The following RMST variants were observed in gnomAD, a reference collection of about 807,000 sequenced individuals.
The protein encoded by RMST is long intergenic non-protein coding RNA 54.
At chr12:97,485,650 C>A (rs1876004072) in intron 5 of RMST, among the ~76,000 whole-genome samples, 3 of 152,184 alleles carry the variant, frequency 2.0e-5, no homozygotes, top group Admixed American at 1.3e-4. Context: ...TATGAGCCCC[C>A]AAAGGCATTA....
intron 10 of RMST, among the ~76,000 whole-genome samples, chr12:97,523,258 C>T (rs1880699724): frequency 6.6e-6 from 1 of 152,166 alleles, no homozygotes; most frequent in Non-Finnish European, 1.5e-5. Context: ...AATTATCGCT[C>T]TTTTAAAATA....
intron 11 of RMST, among the ~76,000 whole-genome samples, chr12:97,548,133 C>T (rs1456074539): frequency 6.6e-6 from 1 of 152,080 alleles, no homozygotes; most frequent in East Asian, 1.9e-4. Context: ...GTTTCCTTGA[C>T]ATTTCTTAAA....
chr12:97,491,814 G>T, intron 5 of RMST: 6 of 431,806 alleles, frequency 1.4e-5, no homozygotes, highest in Admixed American at 4.8e-5. Context: ...TGGCTTTTTT[G>T]TCGTCATGGG....
chr12:97,474,469 G>C (rs1232531592), intron 5 of RMST, among the ~76,000 whole-genome samples: 1 of 151,990 alleles, frequency 6.6e-6, no homozygotes, highest in Non-Finnish European at 1.5e-5. Context: ...AGATGTGGTT[G>C]AGAAATTCTT....
intron 10 of RMST, among the ~76,000 whole-genome samples, chr12:97,514,246 A>G (rs11109082): frequency 0.13 from 19,084 of 152,158 alleles, 1,928 homozygotes; most frequent in African/African-American, 0.26. Context: ...CAGAGGCAAC[A>G]TATTTCCAGA....
intron 10 of RMST, among the ~76,000 whole-genome samples, chr12:97,500,168 G>T (rs1329853783): frequency 6.6e-6 from 1 of 152,102 alleles, no homozygotes; most frequent in East Asian, 1.9e-4. Context: ...ATCATTCAAC[G>T]CAGAGAGGAG....
At chr12:97,490,553 A>G (rs1194855326) in intron 5 of RMST, among the ~76,000 whole-genome samples, 1 of 152,174 alleles carries the variant, frequency 6.6e-6, no homozygotes, top group African/African-American at 2.4e-5. Context: ...GTCAAGTATC[A>G]TAAGGATGTT....
rs574690461 is a variant in RMST, at chr12:97,491,436, TAAACA to T, written n.645-1023_645-1019del. Among the ~76,000 whole-genome samples the T allele has an allele frequency of 7.1e-4, 108 of 152,314 alleles. 2 individuals are homozygous for T. The Middle Eastern group carries it at 0.02, about 29-fold the overall frequency. On this transcript the variant is annotated intron_variant and non_coding_transcript_variant, in intron 5 of 13. Coordinates refer to ENST00000640149, the Ensembl canonical transcript of RMST. ...CCCATGGATGTTACTAAATCTTAAC[TAAACA>T]AGTCAGAAAAATGTAAATATTTCCT...
intron 11 of RMST, among the ~76,000 whole-genome samples, chr12:97,541,874 TTGAAAAGG>T (rs1565936185): frequency 3.3e-5 from 5 of 151,892 alleles, no homozygotes; most frequent in African/African-American, 9.7e-5. Flanking sequence ...ATGTCAGCTA[TTGAAAAGG>T]CACTATAGGA....
At chr12:97,531,534 T>C (rs1056118645) in intron 11 of RMST, among the ~76,000 whole-genome samples, 3 of 152,026 alleles carry the variant, frequency 2.0e-5, no homozygotes, top group African/African-American at 7.2e-5. Flanking sequence ...CTTCCTGTAT[T>C]GCTAATTAAT....
chr12:97,557,644 G>A (rs191043387), intron 11 of RMST, among the ~76,000 whole-genome samples: 136 of 152,222 alleles, frequency 8.9e-4, no homozygotes, highest in Non-Finnish European at 1.8e-3. Context: ...ACTTCCCATT[G>A]CAAGCATAAA....
chr12:97,471,454 C>T (rs1003924899), intron 5 of RMST, among the ~76,000 whole-genome samples: 3 of 152,192 alleles, frequency 2.0e-5, no homozygotes, highest in Non-Finnish European at 2.9e-5. Context: ...TTTGAGCTGT[C>T]CTGCTTTTAA....
chr12:97,511,879 C>T (rs1879341534), intron 10 of RMST, among the ~76,000 whole-genome samples: 1 of 152,154 alleles, frequency 6.6e-6, no homozygotes, highest in Admixed American at 6.5e-5. Context: ...CATGTGTATA[C>T]CTGTTGGTAT....
chr12:97,509,828 T>C (rs1879096623), intron 10 of RMST, among the ~76,000 whole-genome samples: 1 of 152,234 alleles, frequency 6.6e-6, no homozygotes, highest in African/African-American at 2.4e-5. Context: ...GTCTGTTGTG[T>C]GATAGGCATT....
At chr12:97,529,433 G>A (rs1451325763) in intron 10 of RMST, among the ~76,000 whole-genome samples, 5 of 151,858 alleles carry the variant, frequency 3.3e-5, no homozygotes, top group East Asian at 1.9e-4. Flanking sequence ...TGTTGTGTTC[G>A]GCAGCCAAAT....
chr12:97,554,933 G>C (rs1883588929), intron 11 of RMST, among the ~76,000 whole-genome samples: 1 of 152,204 alleles, frequency 6.6e-6, no homozygotes, highest in African/African-American at 2.4e-5. Context: ...TATGAAAGCA[G>C]GCAGCTGGGT....
intron 5 of RMST, chr12:97,491,932 CT>C (rs1169476821): frequency 1.9e-6 from 1 of 533,450 alleles, no homozygotes; most frequent in African/African-American, 1.9e-5. Flanking sequence ...GCCAAAGGCG[CT>C]TCTCCTTCTG....
chr12:97,522,415 T>C (rs1880605691), intron 10 of RMST, among the ~76,000 whole-genome samples: 3 of 152,220 alleles, frequency 2.0e-5, no homozygotes, highest in Non-Finnish European at 2.9e-5. Context: ...AGAAAACACA[T>C]AGGCCGTGTG....
At chr12:97,552,878 C>T (rs2136653388) in intron 11 of RMST, among the ~76,000 whole-genome samples, 1 of 152,210 alleles carries the variant, frequency 6.6e-6, no homozygotes, top group Admixed American at 6.5e-5. Context: ...GAAAGGTCTC[C>T]TCAAAGGAGT....
Sources: gnomAD v4.1 joint callset for allele counts (sites outside exome capture counted in the v4.1 genomes callset) on GRCh38, gnomAD v4.1.1 for gene constraint, MANE v1.5 for transcripts, NCBI Gene and HGNC (gene_info 2026-07-23, HGNC 2026-07-21) for gene names.